The following RAB28 variants were observed in gnomAD, a reference collection of about 807,000 sequenced individuals.
RAB28 encodes RAB28, member RAS oncogene family, also known as ras-related protein Rab-28.
Under a neutral mutation model 31.7 loss-of-function variants are expected in RAB28, and 24 were observed. The observed-to-expected ratio is 0.76, with a 90% confidence interval of 0.55 to 1.06. The LOEUF is 1.06. RAB28 is among the 50% of genes least tolerant of loss of function. The pLI is 0.00. For missense variants in RAB28, 254 were observed against 258.5 expected (o/e 0.98, Z 0.12); for synonymous variants, 100 against 90.4 (o/e 1.11, Z -0.60).
chr4:13,443,461 C>CGGTG (rs1560134011), intron 4 of RAB28, among the ~76,000 whole-genome samples: 1 of 152,118 alleles, frequency 6.6e-6, no homozygotes, highest in Admixed American at 6.5e-5. Flanking sequence ...CGTGAGCCAC[C>CGGTG]GCACCTGGCC....
chr4:13,382,844 G>A (rs1249452979), intron 4 of RAB28, among the ~76,000 whole-genome samples: 11 of 151,602 alleles, frequency 7.3e-5, no homozygotes, highest in Admixed American at 4.6e-4. Context: ...GATTACAGGC[G>A]CCTGCCACCA....
intron 2 of RAB28, among the ~76,000 whole-genome samples, chr4:13,477,906 C>T (rs1053245599): frequency 1.8e-4 from 27 of 151,428 alleles, no homozygotes; most frequent in Admixed American, 1.7e-3. Flanking sequence ...GTCTGAAAAC[C>T]AGTCTTTGTT....
Position 13,368,498 on chromosome 4 carries a change from C to A in RAB28, c.*60G>T. On this transcript the variant is annotated 3_prime_UTR_variant, in exon 7 of 7. Coordinates refer to ENST00000330852, the MANE Select transcript of RAB28 (RefSeq NM_001017979.3). ...ACTGATAAAACAAGTTCCTAGAAGTCCTCGGGCCCACCCAGAGGTGAAGGG... is the reference window on the plus strand; with the variant it reads ...ACTGATAAAACAAGTTCCTAGAAGTACTCGGGCCCACCCAGAGGTGAAGGG... 1 of 1,549,882 alleles carries A rather than the reference C, an allele frequency of 6.5e-7. No individual in the cohort carries two copies. Among genetic ancestry groups the A allele is most frequent in the South Asian group, 1.2e-5 (1 of 81,918 alleles).
intron 4 of RAB28, among the ~76,000 whole-genome samples, chr4:13,403,428 C>T (rs1334881191): frequency 3.3e-5 from 5 of 152,172 alleles, no homozygotes; most frequent in East Asian, 1.9e-4. Flanking sequence ...ACTCCTTAAA[C>T]GATTTTGTCT....
At chr4:13,418,739 G>A (rs887682089) in intron 4 of RAB28, among the ~76,000 whole-genome samples, 6 of 152,184 alleles carry the variant, frequency 3.9e-5, no homozygotes, top group African/African-American at 1.4e-4. Context: ...CCTTACAAGA[G>A]CTCCTGAAGG....
intron 4 of RAB28, among the ~76,000 whole-genome samples, chr4:13,384,208 A>C (rs1729262337): frequency 1.3e-5 from 2 of 152,184 alleles, no homozygotes; most frequent in Non-Finnish European, 2.9e-5. Flanking sequence ...GGGCAGGCAC[A>C]GACCTGCACC....
At chr4:13,445,146 C>G (rs1577221602) in intron 4 of RAB28, among the ~76,000 whole-genome samples, 1 of 151,672 alleles carries the variant, frequency 6.6e-6, no homozygotes, top group African/African-American at 2.4e-5. Context: ...ACTCTGAAAT[C>G]CTTTCTTCTG....
At chr4:13,474,189 T>C in intron 3 of RAB28, 129 bp downstream of exon 3, 1 of 779,818 alleles carries the variant, frequency 1.3e-6, no homozygotes, top group Non-Finnish European at 2.3e-6. Context: ...AAATATAAAA[T>C]TATTCTCTCT....
At chr4:13,471,797 A>T (rs973927573) in intron 3 of RAB28, among the ~76,000 whole-genome samples, 7 of 152,102 alleles carry the variant, frequency 4.6e-5, no homozygotes, top group African/African-American at 1.7e-4. Flanking sequence ...GTACATCCTT[A>T]TAAGAGTCAT....
intron 2 of RAB28, 59 bp downstream of exon 2, chr4:13,479,371 G>A: frequency 1.6e-6 from 2 of 1,259,356 alleles, no homozygotes; most frequent in Non-Finnish European, 2.3e-6. Flanking sequence ...TCTTTCTTAT[G>A]CCACTTATTG....
rs950135973 is a variant in RAB28, at chr4:13,395,427, C to G, written c.392-13833G>C. On this transcript the variant is annotated intron_variant, in intron 4 of 6. Coordinates refer to ENST00000330852, the MANE Select transcript of RAB28 (RefSeq NM_001017979.3). ...CCATGATTAGCCCAAACATAACAAG[C>G]AAAATTCCCTTAATAATTTATTAAA... 1.8e-4 allele frequency among the ~76,000 whole-genome samples: 27 copies of G among 151,916 alleles called. 1 individual carries two copies. Among genetic ancestry groups the G allele is most frequent in the Admixed American group, 1.6e-3 (24 of 15,248 alleles).
intron 3 of RAB28, among the ~76,000 whole-genome samples, chr4:13,465,931 A>C (rs999563563): frequency 1.3e-5 from 2 of 151,900 alleles, no homozygotes; most frequent in African/African-American, 4.8e-5. Flanking sequence ...ATGTACAGTC[A>C]ATTGATTTTT....
Position 13,368,618 on chromosome 4 carries a change from G to C in RAB28, c.606C>G (p.Asn202Lys), listed in dbSNP as rs1728602294. The C allele has an allele frequency of 6.2e-7, 1 of 1,612,212 alleles. No homozygotes were observed. Among genetic ancestry groups the C allele is most frequent in the Middle Eastern group, 1.7e-4 (1 of 6,042 alleles). ...RVVKADIVNYNQEPMSRTVNP... is the reference protein window; with the variant it reads ...RVVKADIVNYKQEPMSRTVNP... ...TAACAGTCCTTGACATAGGTTCCTG[G>C]TTGTAGTTTACAATATCTGCCTTCA... The change falls in exon 7 of 7, where the codon AAC becomes AAG. Residue 202 changes from asparagine to lysine, a missense_variant. Coordinates refer to ENST00000330852, the MANE Select transcript of RAB28 (RefSeq NM_001017979.3).
chr4:13,476,310 G>A (rs1293727190), intron 2 of RAB28, among the ~76,000 whole-genome samples: 1 of 151,434 alleles, frequency 6.6e-6, no homozygotes, highest in Non-Finnish European at 1.5e-5. Flanking sequence ...TCATAGTCAT[G>A]TGTTGAGGAT....
chr4:13,456,270 T>A (rs1313806924), intron 4 of RAB28, among the ~76,000 whole-genome samples: 1 of 152,206 alleles, frequency 6.6e-6, no homozygotes, highest in Non-Finnish European at 1.5e-5. Context: ...AATTCTCTAA[T>A]AAACATTTTC....
At chr4:13,444,715 A>T (rs1714609695) in intron 4 of RAB28, among the ~76,000 whole-genome samples, 1 of 152,206 alleles carries the variant, frequency 6.6e-6, no homozygotes, top group African/African-American at 2.4e-5. Flanking sequence ...GGTGATATTT[A>T]ATTGTGGTTT....
At chr4:13,445,605 C>T (rs1714651846) in intron 4 of RAB28, among the ~76,000 whole-genome samples, 1 of 152,060 alleles carries the variant, frequency 6.6e-6, no homozygotes, top group African/African-American at 2.4e-5. Context: ...TTTCTTCTAA[C>T]AGGCCCCTCT....
chr4:13,438,580 T>C (rs928921859), intron 4 of RAB28, among the ~76,000 whole-genome samples: 2 of 152,226 alleles, frequency 1.3e-5, no homozygotes, highest in Non-Finnish European at 2.9e-5. Flanking sequence ...CTTTCCAAGA[T>C]TCATACATGT....
chr4:13,474,068 A>G, intron 3 of RAB28: 1 of 614,798 alleles, frequency 1.6e-6, no homozygotes, highest in Middle Eastern at 2.7e-4. Flanking sequence ...ACTGCTAACA[A>G]TAACACCTAG....
Sources: allele counts gnomAD v4.1 joint callset (sites outside exome capture counted in the v4.1 genomes callset), GRCh38; gene constraint gnomAD v4.1.1; transcripts MANE v1.5; gene names NCBI Gene and HGNC (gene_info 2026-07-23, HGNC 2026-07-21).